Variants in PLXNA2 observed in about 807,000 individuals in gnomAD.
PLXNA2 encodes plexin A2.
PLXNA2 carries 91 observed loss-of-function variants against 193.5 expected under a neutral mutation model. That is an observed-to-expected ratio of 0.47 (90% confidence interval 0.40 to 0.56). The LOEUF (loss-of-function observed/expected upper bound fraction) is 0.56. PLXNA2 is among the 20% of genes least tolerant of loss of function. PLXNA2 has a pLI of 0.00. For missense variants in PLXNA2, 1,995 were observed against 2,503.2 expected (o/e 0.80, Z 4.33); for synonymous variants, 997 against 1,027.3 (o/e 0.97, Z 0.56).
At chr1:208,100,398 A>T (rs1419279890) in intron 5 of PLXNA2, among the ~76,000 whole-genome samples, 1 of 152,128 alleles carries the variant, frequency 6.6e-6, no homozygotes, top group Admixed American at 6.5e-5. Context: ...TACGTATTTC[A>T]CAGGGTTGGT....
chr1:208,205,366 T>A (rs1490825311), intron 3 of PLXNA2, among the ~76,000 whole-genome samples: 1 of 152,192 alleles, frequency 6.6e-6, no homozygotes, highest in Non-Finnish European at 1.5e-5. Context: ...GACCCCAGGA[T>A]AACCTGCTTT....
rs200206618 is a variant in PLXNA2 at position 208,045,865 on chromosome 1, C to A, written c.3495+13G>T. The A allele has an allele frequency of 4.0e-5, 65 of 1,613,690 alleles. No individual in the cohort carries two copies. Among genetic ancestry groups the A allele is most frequent in the African/African-American group, 6.7e-5 (5 of 75,058 alleles). On this transcript the variant is annotated intron_variant, in intron 18 of 31. Transcript: ENST00000367033. ...TGCCCCTGGTGGCACTGCCCTCTGG[C>A]GGGCACTCCTACCTTCAGAATGATG...
At chr1:208,207,126 C>T (rs568862792) in intron 3 of PLXNA2, among the ~76,000 whole-genome samples, 33 of 152,346 alleles carry the variant, frequency 2.2e-4, no homozygotes, top group African/African-American at 7.5e-4. Flanking sequence ...CCACCTCAGC[C>T]TCCCAAGTGG....
chr1:208,026,532 CA>C lies in PLXNA2; in HGVS notation c.*710del, dbSNP rs1473793522. 2.6e-5 allele frequency: 4 copies of C among 152,192 alleles called. No individual in the cohort carries two copies. The highest frequency in any genetic ancestry group is 2.6e-4 in the Admixed American group (4 of 15,290). 9.4% of individuals were successfully genotyped at this position (152,192 alleles called of 1,614,324 possible). On this transcript the variant is annotated 3_prime_UTR_variant, in exon 32 of 32. Coordinates refer to ENST00000367033, the MANE Select transcript of PLXNA2 (RefSeq NM_025179.4). ...GCTCTTGATGGCTTTGCAATTTGTGCAAAGTTCTGGAAGTTCCATACTCCTC... is the reference window on the plus strand; with the variant it reads ...GCTCTTGATGGCTTTGCAATTTGTGCAAGTTCTGGAAGTTCCATACTCCTC...
At chr1:208,146,116 TG>T (rs1198741621) in intron 3 of PLXNA2, among the ~76,000 whole-genome samples, 1 of 152,170 alleles carries the variant, frequency 6.6e-6, no homozygotes, top group Non-Finnish European at 1.5e-5. Flanking sequence ...GCAGATCCCC[TG>T]GGCAGCAGAG....
chr1:208,097,657 C>T (rs1666942771), intron 6 of PLXNA2, among the ~76,000 whole-genome samples: 1 of 152,162 alleles, frequency 6.6e-6, no homozygotes, highest in Non-Finnish European at 1.5e-5. Flanking sequence ...AGAAAATATT[C>T]AATGGCAAAA....
chr1:208,029,457 A>T, intron 29 of PLXNA2: 1 of 1,010,836 alleles, frequency 9.9e-7, no homozygotes, highest in Non-Finnish European at 1.2e-6. Flanking sequence ...GAAGGCAGCC[A>T]GGAGCCCCAG....
At chr1:208,060,532 G>A (rs951895067) in intron 13 of PLXNA2, among the ~76,000 whole-genome samples, 154 bp downstream of exon 13, 28 of 152,188 alleles carry the variant, frequency 1.8e-4, no homozygotes, top group African/African-American at 6.8e-4. Context: ...AGGTGAGGGA[G>A]GAGGGGGCCC....
chr1:208,040,976 C>T (rs953532839), intron 22 of PLXNA2, among the ~76,000 whole-genome samples: 1 of 152,174 alleles, frequency 6.6e-6, no homozygotes, highest in Non-Finnish European at 1.5e-5. Flanking sequence ...CAAATTATAT[C>T]CTCTGGTTGC....
At chr1:208,066,539 A>G (rs544470656) in intron 12 of PLXNA2, among the ~76,000 whole-genome samples, 1 of 152,384 alleles carries the variant, frequency 6.6e-6, no homozygotes, top group South Asian at 2.1e-4. Context: ...AGTCATAGGA[A>G]AGCCTAGCAT....
chr1:208,186,708 A>ATTTTGTTTTTTGTTTTTTTTTTTTTTTT (rs368056918), intron 3 of PLXNA2, among the ~76,000 whole-genome samples: 4 of 111,698 alleles, frequency 3.6e-5, no homozygotes, highest in African/African-American at 9.0e-5. Flanking sequence ...TTGCAATGTT[A>ATTTTGTTTTTTGTTTTTTTTTTTTTTTT]TTTTATTTTT....
At chr1:208,176,223 C>T (rs1669656548) in intron 3 of PLXNA2, among the ~76,000 whole-genome samples, 1 of 152,132 alleles carries the variant, frequency 6.6e-6, no homozygotes, top group African/African-American at 2.4e-5. Flanking sequence ...ACAGGTAAGC[C>T]CTGCAGAGGG....
At position 208,039,636 on chromosome 1, in the gene PLXNA2, G is replaced by C; in HGVS notation, c.4485C>G (p.Ile1495Met). ...LSEDKLIRQQ[I>M]EYKTLILNCV... ...GCTTCCTCACCAGGGTCTTGTACTC[G>C]ATCTGCTGCCGGATGAGCTTGTCCT... The change falls in exon 24 of 32, where the codon ATC (isoleucine) becomes ATG (methionine). Residue 1495 changes from isoleucine (I) to methionine (M), a missense_variant. By Grantham distance (10) the Ile-to-Met change is conservative (BLOSUM62 1). Transcript: ENST00000367033. The C allele has an allele frequency of 1.9e-6, 3 of 1,613,982 alleles. No homozygotes were observed. Among genetic ancestry groups the C allele is most frequent in the Admixed American group, 1.7e-5 (1 of 60,034 alleles).
intron 3 of PLXNA2, among the ~76,000 whole-genome samples, chr1:208,203,030 G>A (rs564512447): frequency 2.0e-5 from 3 of 152,208 alleles, no homozygotes; most frequent in Non-Finnish European, 2.9e-5. Flanking sequence ...GGACAGAGCC[G>A]ACATCTCCTG....
At chr1:208,035,638 A>C (rs904270555) in intron 26 of PLXNA2, among the ~76,000 whole-genome samples, 3 of 152,250 alleles carry the variant, frequency 2.0e-5, no homozygotes, top group Admixed American at 1.3e-4. Context: ...CCCCTAACGC[A>C]GAGGGAATAA....
At chr1:208,158,901 T>G (rs1282921373) in intron 3 of PLXNA2, among the ~76,000 whole-genome samples, 1 of 152,196 alleles carries the variant, frequency 6.6e-6, no homozygotes. Context: ...CTCCCTGTGG[T>G]GGAGCCCTGC....
chr1:208,220,970 GCA>G (rs1671310579), intron 1 of PLXNA2, among the ~76,000 whole-genome samples: 1 of 152,168 alleles, frequency 6.6e-6, no homozygotes, highest in African/African-American at 2.4e-5. Flanking sequence ...TCATACTACT[GCA>G]CAAGTCCCAA....
intron 12 of PLXNA2, among the ~76,000 whole-genome samples, chr1:208,068,119 A>G (rs1330161057): frequency 6.6e-6 from 1 of 152,210 alleles, no homozygotes; most frequent in Non-Finnish European, 1.5e-5. Context: ...GACGATAACT[A>G]TCTTGGGACA....
chr1:208,040,783 C>T (rs1273822616), intron 22 of PLXNA2, among the ~76,000 whole-genome samples: 1 of 152,226 alleles, frequency 6.6e-6, no homozygotes, highest in Admixed American at 6.5e-5. Flanking sequence ...GATCCCAGCC[C>T]TCAGGTAGAG....
Sources: allele counts gnomAD v4.1 joint callset (sites outside exome capture counted in the v4.1 genomes callset), GRCh38; gene constraint gnomAD v4.1.1; transcripts MANE v1.5; gene names NCBI Gene and HGNC (gene_info 2026-07-23, HGNC 2026-07-21).